Variants in AGPAT4 observed in about 807,000 individuals in gnomAD.
AGPAT4 encodes the protein 1-acyl-sn-glycerol-3-phosphate acyltransferase delta.
AGPAT4 carries 15 observed loss-of-function variants against 48.0 expected under a neutral mutation model. That is an observed-to-expected ratio of 0.31 (90% CI 0.21 to 0.48). The LOEUF (loss-of-function observed/expected upper bound fraction) is 0.48. AGPAT4 is among the 20% of genes least tolerant of loss of function. The pLI, the probability that AGPAT4 is intolerant of heterozygous loss-of-function variation, is 0.99. For synonymous variants in AGPAT4, 178 were observed against 198.7 expected (o/e 0.90, Z 0.88); for missense variants, 314 against 482.5 (o/e 0.65, Z 3.27).
intron 2 of AGPAT4, among the ~76,000 whole-genome samples, chr6:161,203,381 C>CTTTTTTTTGTT (rs1781289892): frequency 9.0e-6 from 1 of 110,764 alleles, no homozygotes. Flanking sequence ...CTTTTTCTTT[C>CTTTTTTTTGTT]TTTTTTTTTT....
chr6:161,152,023 G>T (rs1334665038), intron 5 of AGPAT4, among the ~76,000 whole-genome samples: 1 of 152,264 alleles, frequency 6.6e-6, no homozygotes, highest in East Asian at 1.9e-4. Flanking sequence ...GACCTCGGAG[G>T]TGGCTGGCCC....
At position 161,208,411 on chromosome 6, in the gene AGPAT4, C is replaced by G. The variant is rs2115016431; in HGVS notation, c.178+23625G>C. On this transcript the variant is annotated intron_variant, in intron 2 of 8. Transcript: ENST00000320285. The surrounding 1 kb of genome is among the most constrained non-coding windows in gnomAD (Gnocchi z 4.6). ...TCTTGTTCTTAACAGCTCAATTAAA[C>G]TCATGTACACACTTATGTATACAAA... Among the ~76,000 whole-genome samples the G allele has an allele frequency of 6.6e-6, 1 of 152,232 alleles. No individual in the cohort carries two copies. Among genetic ancestry groups the G allele is most frequent in the Non-Finnish European group, 1.5e-5 (1 of 68,022 alleles).
At position 161,228,308 on chromosome 6, in the gene AGPAT4, C is replaced by G. The variant is rs1040693210; in HGVS notation, c.178+3728G>C. 5.3e-5 allele frequency among the ~76,000 whole-genome samples: 8 copies of G among 152,186 alleles called. 1 individual carries two copies. The South Asian group carries it at 1.7e-3, about 32-fold the overall frequency. On this transcript the variant is annotated intron_variant, in intron 2 of 8. Coordinates refer to ENST00000320285, the MANE Select transcript of AGPAT4 (RefSeq NM_020133.3). Reference sequence around the variant, plus strand: ...TTTGCAGGCTGGTGCTCCAAATTCTCACTCCCTTCTTGCCACCATGTGGCC... The same window carrying G: ...TTTGCAGGCTGGTGCTCCAAATTCTGACTCCCTTCTTGCCACCATGTGGCC...
intron 1 of AGPAT4, among the ~76,000 whole-genome samples, chr6:161,237,377 C>A (rs544162485): frequency 6.6e-6 from 1 of 152,316 alleles, no homozygotes; most frequent in African/African-American, 2.4e-5. Flanking sequence ...AGTAGGTAAC[C>A]ATCATTAACA....
intron 2 of AGPAT4, among the ~76,000 whole-genome samples, chr6:161,182,614 G>C (rs905633803): frequency 6.6e-6 from 1 of 152,244 alleles, no homozygotes; most frequent in Non-Finnish European, 1.5e-5. Context: ...AACCAGCTCA[G>C]CCTGGAGTGC....
chr6:161,220,175 C>T lies in AGPAT4; in HGVS notation c.178+11861G>A, dbSNP rs73017411. On this transcript the variant is annotated intron_variant, in intron 2 of 8. Coordinates refer to ENST00000320285, the MANE Select transcript of AGPAT4 (RefSeq NM_020133.3). This position sits in a 1 kb window ranked among gnomAD's most constrained non-coding sequence, Gnocchi z 6.0. ...CCAGGTATGTCAGCCACACAGCCTG[C>T]GCTATCACCAGATGACCTGAGCTAA... Among the ~76,000 whole-genome samples, 3,379 of 152,212 alleles carry T rather than the reference C, an allele frequency of 0.022. 60 individuals carry two copies. The highest frequency in any genetic ancestry group is 0.034 in the Non-Finnish European group (2,320 of 68,008).
chr6:161,217,587 T>TG lies in AGPAT4; in HGVS notation c.178+14448dup, dbSNP rs1291297941. 6.6e-6 allele frequency among the ~76,000 whole-genome samples: 1 copy of TG among 152,236 alleles called. No individual in the cohort carries two copies. The highest frequency in any genetic ancestry group is 1.5e-5 in the Non-Finnish European group (1 of 68,046). On this transcript the variant is annotated intron_variant, in intron 2 of 8. Coordinates refer to ENST00000320285, the MANE Select transcript of AGPAT4 (RefSeq NM_020133.3). The surrounding 1 kb of genome is among the most constrained non-coding windows in gnomAD (Gnocchi z 4.9). Reference sequence around the variant, plus strand: ...CTCACTAATCATGTTCAGCTCTAGTTGGAGACATAGGTATATATAATCTGT... The same window carrying TG: ...CTCACTAATCATGTTCAGCTCTAGTTGGGAGACATAGGTATATATAATCTGT...
At chr6:161,176,508 T>C (rs1267434145) in intron 2 of AGPAT4, among the ~76,000 whole-genome samples, 3 of 152,212 alleles carry the variant, frequency 2.0e-5, no homozygotes, top group South Asian at 2.1e-4. Flanking sequence ...TCTTCCTCCA[T>C]CCCTTTATTT....
At chr6:161,257,385 G>A (rs1562360164) in intron 1 of AGPAT4, among the ~76,000 whole-genome samples, 1 of 152,122 alleles carries the variant, frequency 6.6e-6, no homozygotes, top group Non-Finnish European at 1.5e-5. Flanking sequence ...CCAAATTACA[G>A]ACACAGAAAC....
chr6:161,262,027 C>T lies in AGPAT4; in HGVS notation c.-90+11911G>A, dbSNP rs78822878. ...GCTGGTGGTGAGGATTATCCGTAGACCTTTGCCTGGTACATCATCTTAAAT... is the reference window on the plus strand; with the variant it reads ...GCTGGTGGTGAGGATTATCCGTAGATCTTTGCCTGGTACATCATCTTAAAT... On this transcript the variant is annotated intron_variant, in intron 1 of 8. Coordinates refer to ENST00000320285, the MANE Select transcript of AGPAT4 (RefSeq NM_020133.3). The surrounding 1 kb of genome is among the most constrained non-coding windows in gnomAD (Gnocchi z 4.9). Among the ~76,000 whole-genome samples, 2,956 of 152,158 alleles carry T rather than the reference C, an allele frequency of 0.019. 110 individuals are homozygous for T. Among genetic ancestry groups the T allele is most frequent in the African/African-American group, 0.068 (2,830 of 41,488 alleles).
rs527869797 is a variant in AGPAT4, at chr6:161,194,257, CTCT to C, written c.179-27843_179-27841del. On this transcript the variant is annotated intron_variant, in intron 2 of 8. Transcript: ENST00000320285. ...ATATATTAAAATTAATTTCACCTAT[CTCT>C]TAATTTGGCTACCAGAAAATTTAAA... is the stretch of plus-strand genomic sequence containing the variant. Among the ~76,000 whole-genome samples the C allele has an allele frequency of 3.3e-5, 5 of 152,288 alleles. No individual in the cohort carries two copies. The South Asian group carries it at 1.0e-3, about 32-fold the overall frequency.
chr6:161,183,985 G>C (rs540649101), intron 2 of AGPAT4, among the ~76,000 whole-genome samples: 66 of 152,134 alleles, frequency 4.3e-4, no homozygotes, highest in African/African-American at 1.5e-3. Context: ...TCTTACTCTT[G>C]GTGAGACAGG....
At chr6:161,168,299 A>G (rs1193764575) in intron 2 of AGPAT4, among the ~76,000 whole-genome samples, 1 of 152,190 alleles carries the variant, frequency 6.6e-6, no homozygotes, top group Non-Finnish European at 1.5e-5. Flanking sequence ...AAGGCCACAG[A>G]TAAGCACCAA....
intron 5 of AGPAT4, among the ~76,000 whole-genome samples, chr6:161,153,117 G>A (rs544550408): frequency 6.6e-6 from 1 of 152,298 alleles, no homozygotes; most frequent in Admixed American, 6.5e-5. Flanking sequence ...CGCTGGCCTG[G>A]GCACCCCAGG....
rs1220576199 is a variant in AGPAT4 at position 161,143,200 on chromosome 6, G to A, written c.843+3324C>T. Among the ~76,000 whole-genome samples the A allele has an allele frequency of 6.6e-6, 1 of 152,182 alleles. No homozygotes were observed. Among genetic ancestry groups the A allele is most frequent in the Non-Finnish European group, 1.5e-5 (1 of 68,038 alleles). On this transcript the variant is annotated intron_variant, in intron 7 of 8. Coordinates refer to ENST00000320285, the MANE Select transcript of AGPAT4 (RefSeq NM_020133.3). The surrounding 1 kb of genome is among the most constrained non-coding windows in gnomAD (Gnocchi z 4.7). ...CAATCCTCCCACTTCAGCTTCCCCA[G>A]TAGCTGGGACTACAGGTGTGTACCG... is the stretch of plus-strand genomic sequence containing the variant.
At position 161,148,046 on chromosome 6, in the gene AGPAT4, G is replaced by A. The variant is rs1002644169; in HGVS notation, c.767+1141C>T. ...GCTTTGGAGAGTTGCAGCTACCTGA[G>A]AGGTGAAATAATCTTGTACACATCT... is the stretch of plus-strand genomic sequence containing the variant. On this transcript the variant is annotated intron_variant, in intron 6 of 8. Transcript: ENST00000320285. The surrounding 1 kb of genome is among the most constrained non-coding windows in gnomAD (Gnocchi z 5.5). 6.6e-6 allele frequency among the ~76,000 whole-genome samples: 1 copy of A among 152,204 alleles called. No homozygotes were observed. The highest frequency in any genetic ancestry group is 1.5e-5 in the Non-Finnish European group (1 of 68,038).
rs1004215580 is a variant in AGPAT4, at chr6:161,171,611, C to T, written c.179-5194G>A. Among the ~76,000 whole-genome samples the T allele has an allele frequency of 2.0e-5, 3 of 152,246 alleles. No individual in the cohort carries two copies. Among genetic ancestry groups the T allele is most frequent in the South Asian group, 2.1e-4 (1 of 4,810 alleles). ...TTGCATTGGGAATTAAATTTCCAGC[C>T]GCACATGGTGGCTCATGCCTGTAAT... On this transcript the variant is annotated intron_variant, in intron 2 of 8. Coordinates refer to ENST00000320285, the MANE Select transcript of AGPAT4 (RefSeq NM_020133.3). This position sits in a 1 kb window ranked among gnomAD's most constrained non-coding sequence, Gnocchi z 4.4.
rs543750266 is a variant in AGPAT4 at position 161,273,979 on chromosome 6, A to G, written c.-131T>C. 1.3e-5 allele frequency: 2 copies of G among 152,176 alleles called. No homozygotes were observed. The highest frequency in any genetic ancestry group is 2.1e-4 in the South Asian group (1 of 4,810). The allele number at this position is 152,176 out of a possible 1,614,324, so 9.4% of individuals were successfully genotyped here. On this transcript the variant is annotated 5_prime_UTR_variant, in exon 1 of 9. Coordinates refer to ENST00000320285, the MANE Select transcript of AGPAT4 (RefSeq NM_020133.3). ...TTTGGCACATGGACTTAGAAACCAG[A>G]AGCTGAGATGGAGCCGGCTGGGTTC... is the stretch of plus-strand genomic sequence containing the variant.
rs548095394 is a variant in AGPAT4, at chr6:161,255,251, T to C, written c.-90+18687A>G. 9.2e-5 allele frequency among the ~76,000 whole-genome samples: 14 copies of C among 152,354 alleles called. No homozygotes were observed. In the East Asian group the frequency reaches 2.7e-3, roughly 29 times the overall value. On this transcript the variant is annotated intron_variant, in intron 1 of 8. Transcript: ENST00000320285. The surrounding 1 kb of genome is among the most constrained non-coding windows in gnomAD (Gnocchi z 4.7). ...TGGATTTGAAAGTCCGAGACCCCTC[T>C]GCAAAATACCATTGCTTCTTTCGCT...
Sources: gnomAD v4.1 joint callset for allele counts (sites outside exome capture counted in the v4.1 genomes callset) on GRCh38, gnomAD v4.1.1 for gene constraint, Gnocchi (gnomAD v3.1) non-coding constraint, MANE v1.5 for transcripts, NCBI Gene and HGNC (gene_info 2026-07-23, HGNC 2026-07-21) for gene names.